The following SCN1A variants were observed in gnomAD, a reference collection of about 807,000 sequenced individuals.
The protein encoded by SCN1A is sodium voltage-gated channel alpha subunit 1.
In SCN1A, 13 loss-of-function variants were observed where a neutral mutation model predicts 193.7. The observed-to-expected ratio is 0.07, with a 90% CI of 0.04 to 0.11. The LOEUF is 0.11. SCN1A is among the 10% of genes least tolerant of loss of function. The pLI is 1.00. For synonymous variants in SCN1A, 781 were observed against 843.6 expected (o/e 0.93, Z 1.29); for missense variants, 1,432 against 2,451.1 (o/e 0.58, Z 8.78).
intron 2 of SCN1A, among the ~76,000 whole-genome samples, chr2:166,112,342 C>G (rs1245540743): frequency 1.3e-5 from 2 of 152,172 alleles, no homozygotes; most frequent in Non-Finnish European, 2.9e-5. Flanking sequence ...GCTCAGATGA[C>G]TGTTAGCATT....
chr2:166,014,840 T>C (rs568589928), intron 20 of SCN1A, among the ~76,000 whole-genome samples: 4 of 151,734 alleles, frequency 2.6e-5, no homozygotes, highest in Non-Finnish European at 5.9e-5. Context: ...GGATAATGTA[T>C]ATTATCGGGT....
intron 1 of SCN1A, among the ~76,000 whole-genome samples, chr2:166,147,506 C>T (rs6717728): frequency 0.81 from 122,894 of 152,158 alleles, 50,243 homozygotes; most frequent in African/African-American, 0.94. Context: ...ACAATTTGAA[C>T]ACTGACATTG....
At chr2:166,079,592 T>C (rs1685291465) in intron 2 of SCN1A, among the ~76,000 whole-genome samples, 1 of 150,910 alleles carries the variant, frequency 6.6e-6, no homozygotes, top group Non-Finnish European at 1.5e-5. Flanking sequence ...CCACACTTGA[T>C]GTTATTGTCC....
chr2:165,996,343 C>A, intron 26 of SCN1A: 1 of 365,292 alleles, frequency 2.7e-6, no homozygotes, highest in East Asian at 5.8e-5. Flanking sequence ...CTTATGAAGA[C>A]AAACACCCCC....
At chr2:166,093,163 C>T (rs1319601428) in intron 2 of SCN1A, among the ~76,000 whole-genome samples, 1 of 151,218 alleles carries the variant, frequency 6.6e-6, no homozygotes, top group Non-Finnish European at 1.5e-5. Context: ...TATGTCTGGC[C>T]ATGACCAAGC....
chr2:166,012,320 ATAAT>A, intron 21 of SCN1A, 38 bp from the exon 22 acceptor site: 1 of 1,479,532 alleles, frequency 6.8e-7, no homozygotes, highest in Non-Finnish European at 9.4e-7. Flanking sequence ...GCTTTCAAAA[ATAAT>A]TATACTCCAT....
At chr2:166,078,193 T>C (rs1417432832) in intron 2 of SCN1A, among the ~76,000 whole-genome samples, 1 of 151,770 alleles carries the variant, frequency 6.6e-6, no homozygotes, top group East Asian at 1.9e-4. Context: ...CAAATTGGGT[T>C]CATCAGTTGT....
rs187012032 is a variant in SCN1A, at chr2:166,005,262, A to G, written c.4003-2509T>C. Among the ~76,000 whole-genome samples the G allele has an allele frequency of 6.6e-5, 10 of 151,596 alleles. No homozygotes were observed. The Admixed American group carries it at 6.6e-4, about 10-fold the overall frequency. On this transcript the variant is annotated intron_variant, in intron 23 of 28. Transcript: ENST00000674923. ...ATAAAATAATGGTTGACAAAAATGA[A>G]TGGGTTAATGAAGCAAAGTTTAGAT...
In SCN1A at chr2:166,044,780, C is replaced by G. The variant is rs561456208; in HGVS notation, c.1662+263G>C. On this transcript the variant is annotated intron_variant, in intron 13 of 28. Transcript: ENST00000674923. The stretch of plus-strand genomic sequence containing the variant: ...AAGATTAAATGTCATTAGTTATAGA[C>G]AAATATCAGCAGACAGTATCAGAAT... Among the ~76,000 whole-genome samples the G allele has an allele frequency of 1.8e-4, 28 of 151,978 alleles. No homozygotes were observed. In the South Asian group the frequency reaches 5.8e-3, roughly 32 times the overall value.
At chr2:166,086,278 C>T (rs1574428961) in intron 2 of SCN1A, among the ~76,000 whole-genome samples, 2 of 152,270 alleles carry the variant, frequency 1.3e-5, no homozygotes, top group South Asian at 4.1e-4. Context: ...CACTTTCCCT[C>T]CATTGGTGCC....
chr2:166,087,355 A>G (rs1051569468), intron 2 of SCN1A, among the ~76,000 whole-genome samples: 2 of 152,082 alleles, frequency 1.3e-5, no homozygotes, highest in Admixed American at 6.6e-5. Flanking sequence ...AATCCCAGCT[A>G]CTTGGGAGGA....
chr2:166,066,200 T>G (rs1280916423), intron 4 of SCN1A, among the ~76,000 whole-genome samples: 2 of 152,022 alleles, frequency 1.3e-5, no homozygotes, highest in African/African-American at 4.8e-5. Flanking sequence ...AGAGAAGAAA[T>G]TATAACAACA....
intron 2 of SCN1A, among the ~76,000 whole-genome samples, chr2:166,117,457 C>T (rs1437798223): frequency 1.3e-5 from 2 of 152,066 alleles, no homozygotes; most frequent in Non-Finnish European, 2.9e-5. Flanking sequence ...TATTTATTTA[C>T]TTATTTTTAC....
In SCN1A at chr2:166,009,707, C is replaced by T; in HGVS notation, c.4002+12G>A. 6.2e-7 allele frequency: 1 copy of T among 1,600,870 alleles called. No homozygotes were observed. Among genetic ancestry groups the T allele is most frequent in the South Asian group, 1.1e-5 (1 of 89,950 alleles). Reference sequence around the variant, plus strand: ...CTATATACAATACTTCAGGTTCTTTCATTTTTCTTACCCTCATCCCTTCAA... The same window carrying T: ...CTATATACAATACTTCAGGTTCTTTTATTTTTCTTACCCTCATCCCTTCAA... On this transcript the variant is annotated intron_variant, in intron 23 of 28. Transcript: ENST00000674923.
In SCN1A at chr2:165,991,786, T is replaced by G. The variant is rs566595038; in HGVS notation, c.5489A>C (p.Gln1830Pro). 4.9e-5 allele frequency: 79 copies of G among 1,613,844 alleles called. No homozygotes were observed. Among genetic ancestry groups the G allele is most frequent in the Non-Finnish European group, 6.6e-5 (78 of 1,179,960 alleles). The change falls in exon 29 of 29, where the codon CAG becomes CCG. Residue 1830 changes from glutamine (Q) to proline (P), a missense_variant. Coordinates refer to ENST00000674923, the MANE Select transcript of SCN1A (RefSeq NM_001165963.4). ...AGGCGGTTCAAGCGCAGCTGCAAAC[T>G]GAGATAATTTTTCAAATTCCATGAA... ...TQFMEFEKLS[Q>P]FAAALEPPLN...
intron 2 of SCN1A, among the ~76,000 whole-genome samples, chr2:166,109,064 A>G (rs1014909624): frequency 2.0e-5 from 3 of 152,198 alleles, no homozygotes; most frequent in African/African-American, 7.2e-5. Flanking sequence ...AGAACTTTAC[A>G]GAAATAATAA....
chr2:166,033,711 C>A (rs1695940464), intron 19 of SCN1A, among the ~76,000 whole-genome samples: 3 of 152,126 alleles, frequency 2.0e-5, no homozygotes, highest in East Asian at 1.9e-4. Context: ...TGGATAGTTG[C>A]TTTATAAAAA....
intron 24 of SCN1A, 49 bp from the exon 25 acceptor site, chr2:165,999,825 A>G: frequency 8.0e-7 from 1 of 1,243,144 alleles, no homozygotes; most frequent in Non-Finnish European, 1.2e-6. Context: ...AATAATTTAG[A>G]CCTGATGTTT....
intron 19 of SCN1A, among the ~76,000 whole-genome samples, chr2:166,032,364 A>C (rs1695761373): frequency 6.6e-6 from 1 of 152,120 alleles, no homozygotes; most frequent in African/African-American, 2.4e-5. Context: ...AAAAAGAACC[A>C]AAATGATGAG....
Sources: allele counts gnomAD v4.1 joint callset (sites outside exome capture counted in the v4.1 genomes callset), GRCh38; gene constraint gnomAD v4.1.1; transcripts MANE v1.5; gene names NCBI Gene and HGNC (gene_info 2026-07-23, HGNC 2026-07-21).